SUN1: variants seen among roughly 807,000 people sequenced by gnomAD.
The protein encoded by SUN1 is SUN domain-containing protein 1.
In SUN1, 61 loss-of-function variants were observed where a neutral mutation model predicts 103.2. The ratio of observed to expected loss-of-function variants is 0.59; its 90% CI spans 0.48 to 0.73. The LOEUF is 0.73. Ranked by LOEUF, SUN1 falls within the 30% of genes least tolerant of loss-of-function variation. SUN1 has a pLI of 0.00. For synonymous variants in SUN1, 490 were observed against 425.7 expected (o/e 1.15, Z -1.86); for missense variants, 1,052 against 1,034.6 (o/e 1.02, Z -0.23).
At chr7:857,667 T>G (rs1231997218) in intron 12 of SUN1, among the ~76,000 whole-genome samples, 161 bp from the exon 13 acceptor site, 5 of 152,224 alleles carry the variant, frequency 3.3e-5, no homozygotes, top group African/African-American at 1.2e-4. Flanking sequence ...GAACTGTATT[T>G]GAAACTGGCA....
chr7:849,388 C>T (rs1819682968), intron 5 of SUN1: 1 of 590,488 alleles, frequency 1.7e-6, no homozygotes, highest in Non-Finnish European at 2.8e-6. Context: ...TGGTAGGAGC[C>T]ATCGGCTGTG....
Position 842,993 on chromosome 7 carries a change from G to C in SUN1, c.452-213G>C, listed in dbSNP as rs868347835. 10 of 688,326 alleles carry C rather than the reference G, an allele frequency of 1.5e-5. No individual in the cohort carries two copies. In the Middle Eastern group the frequency reaches 2.1e-3, roughly 142 times the overall value. The allele number at this position is 688,326 out of a possible 1,614,324, so 42.6% of individuals were successfully genotyped here. A position where few individuals can be genotyped will look rare whatever the true frequency, so the allele number is the denominator to read the frequency against. On this transcript the variant is annotated intron_variant, in intron 3 of 18. Transcript: ENST00000401592. Reference sequence around the variant, plus strand: ...CCAGGTGCTGTGTGTGCTGCCGTCTGTCTGTATTTTCTTCAAGGATAAGCT... The same window carrying C: ...CCAGGTGCTGTGTGTGCTGCCGTCTCTCTGTATTTTCTTCAAGGATAAGCT...
At chr7:815,807 G>A, upstream of SUN1, 2 of 219,578 alleles carry the variant, frequency 9.1e-6, no homozygotes, top group South Asian at 4.5e-5. Context: ...GCCTGGGGAG[G>A]AGGGGCCGCG....
chr7:858,788 CGTGTGGT>C (rs1829824904), intron 13 of SUN1, among the ~76,000 whole-genome samples: 2 of 152,176 alleles, frequency 1.3e-5, no homozygotes, highest in African/African-American at 4.8e-5. Flanking sequence ...ATTTGCAATA[CGTGTGGT>C]AAGATTATCT....
chr7:869,788 C>A (rs550071697), intron 17 of SUN1, among the ~76,000 whole-genome samples: 2 of 152,282 alleles, frequency 1.3e-5, no homozygotes, highest in East Asian at 3.9e-4. Flanking sequence ...GCCAAGTTGC[C>A]TGTGAAAGGT....
upstream of SUN1, among the ~76,000 whole-genome samples, chr7:828,123 C>G (rs577316881): frequency 2.6e-5 from 4 of 151,504 alleles, no homozygotes; most frequent in Admixed American, 1.3e-4. Flanking sequence ...AGGCTGGTCT[C>G]GAACTCCTGA....
At chr7:872,197 T>A (rs1842224539) in intron 17 of SUN1, among the ~76,000 whole-genome samples, 1 of 152,172 alleles carries the variant, frequency 6.6e-6, no homozygotes. Flanking sequence ...TGCCACTCAT[T>A]AGTGTGTCCT....
rs147030683 is a variant in SUN1 at position 824,572 on chromosome 7, A to G, written c.-74+7899A>G. ...GGGCTTTTGCTGAAACACTGTGATGACCACCGTTCTGTAAGAGGAAGTGGG... is the reference window on the plus strand; with the variant it reads ...GGGCTTTTGCTGAAACACTGTGATGGCCACCGTTCTGTAAGAGGAAGTGGG... On this transcript the variant is annotated intron_variant, in intron 1 of 17. Coordinates refer to the SUN1 transcript ENST00000389574. Among the ~76,000 whole-genome samples, 444 of 152,316 alleles carry G rather than the reference A, an allele frequency of 2.9e-3. 1 individual carries two copies. The highest frequency in any genetic ancestry group is 0.01 in the African/African-American group (417 of 41,570).
chr7:861,609 A>G, intron 15 of SUN1, 145 bp downstream of exon 15: 2 of 812,664 alleles, frequency 2.5e-6, no homozygotes, highest in South Asian at 3.3e-5. Context: ...GATTCTGGGC[A>G]TGACCCTGGT....
chr7:868,987 G>A (rs56669816), intron 16 of SUN1: 2 of 316,632 alleles, frequency 6.3e-6, no homozygotes, highest in African/African-American at 4.6e-5. Flanking sequence ...TTGGTCGGAT[G>A]GGGGGACAGT....
intron 2 of SUN1, 122 bp from the exon 3 acceptor site, chr7:841,824 A>T: frequency 1.9e-6 from 2 of 1,032,216 alleles, no homozygotes; most frequent in Non-Finnish European, 2.8e-6. Flanking sequence ...GAAAAGGCAT[A>T]GGAAAATGGT....
intron 1 of SUN1, among the ~76,000 whole-genome samples, chr7:820,312 A>T (rs757640689): frequency 6.6e-6 from 1 of 152,192 alleles, no homozygotes; most frequent in African/African-American, 2.4e-5. Context: ...ATTTATTCCT[A>T]AGTTTTTAAT....
intron 5 of SUN1, chr7:849,500 C>G (rs1394569463): frequency 3.7e-6 from 5 of 1,358,200 alleles, no homozygotes; most frequent in Non-Finnish European, 4.9e-6. Flanking sequence ...TTCCCTAAGC[C>G]TCTTTTGCGT....
intron 18 of SUN1, among the ~76,000 whole-genome samples, chr7:872,958 A>G (rs1339292507): frequency 6.6e-6 from 1 of 152,150 alleles, no homozygotes; most frequent in Non-Finnish European, 1.5e-5. Flanking sequence ...GTGGTGGCGC[A>G]CGCCTGTAAT....
At chr7:867,700 AG>A (rs1228808947) in intron 16 of SUN1, among the ~76,000 whole-genome samples, 1 of 152,242 alleles carries the variant, frequency 6.6e-6, no homozygotes, top group Admixed American at 6.5e-5. Context: ...GCTCCTGGGA[AG>A]TAAAGAGAAT....
intron 15 of SUN1, among the ~76,000 whole-genome samples, chr7:865,276 T>C (rs1835543925): frequency 6.6e-6 from 1 of 151,886 alleles, no homozygotes. Flanking sequence ...CCCGGCTAAT[T>C]TGTGTATTTT....
chr7:848,458 C>T (rs754625370), intron 5 of SUN1: 6 of 1,363,326 alleles, frequency 4.4e-6, no homozygotes, highest in Admixed American at 3.9e-5. Flanking sequence ...TGTGGCTGGC[C>T]AGATACACTG....
At chr7:856,113 A>G (rs1317622518) in intron 11 of SUN1, among the ~76,000 whole-genome samples, 4 of 152,230 alleles carry the variant, frequency 2.6e-5, no homozygotes, top group African/African-American at 4.8e-5. Context: ...TGCTGGTTAC[A>G]GGAGCTGCAT....
chr7:855,732 G>A (rs146178933), intron 11 of SUN1, among the ~76,000 whole-genome samples: 1 of 152,224 alleles, frequency 6.6e-6, no homozygotes, highest in Non-Finnish European at 1.5e-5. Context: ...ACCCGCCTGC[G>A]AGGGTCTGCG....
Sources: allele counts gnomAD v4.1 joint callset (sites outside exome capture counted in the v4.1 genomes callset), GRCh38; gene constraint gnomAD v4.1.1; transcripts MANE v1.5; gene names NCBI Gene and HGNC (gene_info 2026-07-23, HGNC 2026-07-21).